The following SENP6 variants were observed in gnomAD, a reference collection of about 807,000 sequenced individuals.
The protein encoded by SENP6 is SUMO specific peptidase 6.
A neutral mutation model predicts 134.5 loss-of-function variants in SENP6; 41 were observed. The ratio of observed to expected loss-of-function variants is 0.30; its 90% CI spans 0.24 to 0.40. The LOEUF (loss-of-function observed/expected upper bound fraction) is 0.40. SENP6 is among the 10% of genes least tolerant of loss of function. The pLI, the probability that SENP6 is intolerant of heterozygous loss-of-function variation, is 1.00. For missense variants in SENP6, 1,248 were observed against 1,312.5 expected, an observed-to-expected ratio of 0.95 and a Z score of 0.76; for synonymous variants, 395 against 429.8, an observed-to-expected ratio of 0.92 and a Z score of 1.00.
chr6:75,644,052 C>G (rs999074535), intron 6 of SENP6: 1 of 152,074 alleles, frequency 6.6e-6, no homozygotes, highest in Non-Finnish European at 1.5e-5. Context: ...AGTATGGTAT[C>G]AGAAACCTAG....
intron 1 of SENP6, among the ~76,000 whole-genome samples, chr6:75,607,828 A>G (rs1438267255): frequency 6.6e-6 from 1 of 152,162 alleles, no homozygotes; most frequent in Non-Finnish European, 1.5e-5. Flanking sequence ...TTTATGTTAT[A>G]TATAAACTCA....
intron 1 of SENP6, among the ~76,000 whole-genome samples, chr6:75,618,857 G>C (rs896710887): frequency 2.0e-5 from 3 of 151,734 alleles, no homozygotes; most frequent in Non-Finnish European, 4.4e-5. Flanking sequence ...TTCAATCCCA[G>C]TATACATGTT....
intron 11 of SENP6, among the ~76,000 whole-genome samples, chr6:75,673,196 A>G (rs983700526): frequency 1.3e-5 from 2 of 152,180 alleles, no homozygotes; most frequent in Non-Finnish European, 2.9e-5. Flanking sequence ...AAAATGGCAT[A>G]TATTATTAGG....
intron 1 of SENP6, 33 bp from the exon 2 acceptor site, chr6:75,621,499 A>T (rs1422214834): frequency 8.0e-7 from 1 of 1,243,324 alleles, no homozygotes; most frequent in African/African-American, 1.5e-5. Context: ...AGCTCTATTA[A>T]TGAATACTTA....
intron 17 of SENP6, 86 bp from the exon 18 acceptor site, chr6:75,697,339 T>G (rs1324436828): frequency 1.1e-6 from 1 of 942,674 alleles, no homozygotes; most frequent in Non-Finnish European, 1.6e-6. Flanking sequence ...CTATTACATC[T>G]GAATCTTCTT....
intron 23 of SENP6, among the ~76,000 whole-genome samples, chr6:75,714,180 C>G (rs2149909352): frequency 6.6e-6 from 1 of 152,280 alleles, no homozygotes; most frequent in South Asian, 2.1e-4. Flanking sequence ...TATATTCACT[C>G]TCTAATTCTA....
At chr6:75,698,925 C>T (rs568740795) in intron 18 of SENP6, among the ~76,000 whole-genome samples, 91 of 151,118 alleles carry the variant, frequency 6.0e-4, no homozygotes, top group African/African-American at 2.2e-3. Flanking sequence ...GCAGGAGGAT[C>T]GCCTGAACCC....
At chr6:75,683,589 G>A (rs555102478) in intron 16 of SENP6, among the ~76,000 whole-genome samples, 3 of 152,228 alleles carry the variant, frequency 2.0e-5, no homozygotes, top group East Asian at 1.9e-4. Flanking sequence ...TGTAAGGAGG[G>A]GATCCAGTTT....
At chr6:75,653,277 C>G (rs568921503) in intron 7 of SENP6, among the ~76,000 whole-genome samples, 1 of 152,124 alleles carries the variant, frequency 6.6e-6, no homozygotes, top group African/African-American at 2.4e-5. Flanking sequence ...GTGATCCCCC[C>G]GCCTCGGCCT....
rs1775984908 is a variant in SENP6 at position 75,715,581 on chromosome 6, G to A, written c.3326G>A (p.Ser1109Asn). Residue 1109 changes from serine (S) to asparagine (N), a missense_variant, in exon 24 of 24, where the codon AGT becomes AAT. This residue lies in a region of SENP6 where 386 missense variants were observed against 395.0 expected (regional missense o/e 0.98). Coordinates refer to ENST00000447266, the MANE Select transcript of SENP6 (RefSeq NM_015571.4). ...GAAGGAACAGAACAATATGTCAATA[G>A]TATCTCAGATTGACCATTTCTGTTA... ...LGEGTEQYVN[S>N]ISD 6 of 1,607,114 alleles carry A rather than the reference G, an allele frequency of 3.7e-6. No individual in the cohort carries two copies. The highest frequency in any genetic ancestry group is 5.1e-6 in the Non-Finnish European group (6 of 1,175,420).
At chr6:75,640,350 G>C (rs1769929025) in intron 5 of SENP6, among the ~76,000 whole-genome samples, 2 of 152,186 alleles carry the variant, frequency 1.3e-5, no homozygotes, top group South Asian at 4.1e-4. Flanking sequence ...ATCAGTTTCA[G>C]GCACCCATTG....
chr6:75,641,268 A>G (rs577405448), intron 6 of SENP6, among the ~76,000 whole-genome samples: 53 of 152,310 alleles, frequency 3.5e-4, no homozygotes, highest in African/African-American at 1.2e-3. Context: ...ATATATATTT[A>G]TGCTAATAAG....
chr6:75,713,391 G>A (rs1179611245), intron 21 of SENP6, 122 bp from the exon 22 acceptor site: 1 of 754,628 alleles, frequency 1.3e-6, no homozygotes, highest in Non-Finnish European at 2.2e-6. Flanking sequence ...CAGTAGTACT[G>A]AGTCATACAA....
intron 2 of SENP6, chr6:75,622,945 C>CG (rs1402778624): frequency 1.8e-6 from 1 of 563,850 alleles, no homozygotes; most frequent in Non-Finnish European, 2.6e-6. Context: ...AAATATAAAA[C>CG]AATTATTCAG....
chr6:75,650,235 C>A (rs1380267007), intron 7 of SENP6, among the ~76,000 whole-genome samples: 1 of 152,148 alleles, frequency 6.6e-6, no homozygotes, highest in African/African-American at 2.4e-5. Context: ...TTAGGGGTTA[C>A]ATGATGTTGA....
intron 11 of SENP6, among the ~76,000 whole-genome samples, chr6:75,671,450 G>A (rs1247776553): frequency 1.3e-5 from 2 of 152,124 alleles, no homozygotes; most frequent in African/African-American, 2.4e-5. Context: ...ATTGCCGGGC[G>A]CGGTGTCTCA....
At chr6:75,618,393 G>A (rs1768013019) in intron 1 of SENP6, among the ~76,000 whole-genome samples, 1 of 152,084 alleles carries the variant, frequency 6.6e-6, no homozygotes, top group East Asian at 1.9e-4. Flanking sequence ...ATTCTTTCAA[G>A]TTGGCTTCTG....
chr6:75,682,072 C>T (rs1773501572), intron 16 of SENP6, among the ~76,000 whole-genome samples: 1 of 151,772 alleles, frequency 6.6e-6, no homozygotes, highest in Non-Finnish European at 1.5e-5. Context: ...ATAAACCATA[C>T]AAACATTAAA....
intron 16 of SENP6, among the ~76,000 whole-genome samples, chr6:75,689,971 G>A (rs79844566): frequency 1.0e-3 from 154 of 152,310 alleles, no homozygotes; most frequent in African/African-American, 3.6e-3. Context: ...ATGATGGAGT[G>A]CAGCATCACA....
Sources: allele counts gnomAD v4.1 joint callset (sites outside exome capture counted in the v4.1 genomes callset), GRCh38; gene constraint gnomAD v4.1.1; regional missense constraint gnomAD v4.1.1; transcripts MANE v1.5; gene names NCBI Gene and HGNC (gene_info 2026-07-23, HGNC 2026-07-21).